MOB1B: variants seen among roughly 807,000 people sequenced by gnomAD.
The protein encoded by MOB1B is MOB kinase activator 1B.
Under a neutral mutation model 24.4 loss-of-function variants are expected in MOB1B, and 19 were observed. The ratio of observed to expected loss-of-function variants is 0.78; its 90% confidence interval spans 0.54 to 1.14. The LOEUF is 1.14. Among genes scored for constraint, MOB1B ranks in the 50% most tolerant of loss-of-function variants. The probability of loss-of-function intolerance (pLI) is 0.00; values close to 1 mark genes in which losing one functional copy is unlikely to be tolerated. For missense variants in MOB1B, 243 were observed against 259.6 expected (o/e 0.94, Z 0.44); for synonymous variants, 76 against 82.1 (o/e 0.93, Z 0.40).
intron 1 of MOB1B, among the ~76,000 whole-genome samples, chr4:70,937,304 T>A (rs1466689835): frequency 6.6e-6 from 1 of 152,132 alleles, no homozygotes; most frequent in East Asian, 1.9e-4. Context: ...GGTCTTATCT[T>A]TGTAACTTTT....
At position 70,987,062 on chromosome 4, in the gene MOB1B, C is replaced by T. The variant is rs1245944425; in HGVS notation, c.*5005C>T. The T allele has an allele frequency of 6.6e-6, 1 of 151,824 alleles. No individual in the cohort carries two copies. The highest frequency in any genetic ancestry group is 2.4e-5 in the African/African-American group (1 of 41,422). 9.4% of individuals were successfully genotyped at this position (151,824 alleles called of 1,614,324 possible). ...AGATAGTAAAATCACTGGCTTTTTC[C>T]AGCTGTATGTTTTTCCACTGTGCGT... On this transcript the variant is annotated 3_prime_UTR_variant, in exon 6 of 6. Coordinates refer to ENST00000309395, the MANE Select transcript of MOB1B (RefSeq NM_173468.4).
chr4:70,924,372 C>G (rs1271345406), intron 1 of MOB1B, among the ~76,000 whole-genome samples: 1 of 152,202 alleles, frequency 6.6e-6, no homozygotes, highest in African/African-American at 2.4e-5. Context: ...AGGTCTGCTG[C>G]AGTGACTTTG....
intron 1 of MOB1B, 95 bp from the exon 2 acceptor site, chr4:70,958,779 A>T: frequency 9.1e-7 from 1 of 1,102,936 alleles, no homozygotes; most frequent in Non-Finnish European, 1.4e-6. Context: ...GCTGGGATTT[A>T]AGCCAATACA....
chr4:70,965,617 G>A (rs1294824310), intron 2 of MOB1B, among the ~76,000 whole-genome samples: 1 of 150,452 alleles, frequency 6.6e-6, no homozygotes, highest in East Asian at 2.0e-4. Flanking sequence ...CTAACACGGC[G>A]GAACCCTGTC....
At chr4:70,957,996 G>T (rs566109273) in intron 1 of MOB1B, among the ~76,000 whole-genome samples, 1 of 151,762 alleles carries the variant, frequency 6.6e-6, no homozygotes, top group African/African-American at 2.4e-5. Flanking sequence ...ATACACATAG[G>T]CTGTGTGTGT....
intron 1 of MOB1B, among the ~76,000 whole-genome samples, chr4:70,952,021 A>T (rs114199547): frequency 0.012 from 1,853 of 152,312 alleles, 24 homozygotes; most frequent in Middle Eastern, 0.027. Context: ...AAAAGGGTAC[A>T]ATTTATTTGG....
intron 1 of MOB1B, among the ~76,000 whole-genome samples, chr4:70,958,162 T>C: frequency 6.6e-6 from 1 of 151,678 alleles, no homozygotes; most frequent in East Asian, 1.9e-4. Flanking sequence ...AGCTTTTCTT[T>C]TCTTTCTTTT....
chr4:70,926,963 C>T (rs1371628577), intron 1 of MOB1B, among the ~76,000 whole-genome samples: 3 of 150,066 alleles, frequency 2.0e-5, no homozygotes, highest in Non-Finnish European at 4.4e-5. Flanking sequence ...TGACACTGCA[C>T]TCCGGCCTGG....
intron 4 of MOB1B, chr4:70,976,614 A>G: frequency 2.0e-6 from 2 of 983,998 alleles, no homozygotes; most frequent in Non-Finnish European, 2.4e-6. Context: ...ACTTTTTGAC[A>G]TTTTACGATT....
intron 2 of MOB1B, among the ~76,000 whole-genome samples, chr4:70,963,550 T>A (rs12645844): frequency 1.3e-5 from 2 of 151,422 alleles, no homozygotes; most frequent in African/African-American, 2.4e-5. Context: ...CCGGGCATGG[T>A]GGCTCATGCC....
chr4:70,943,574 C>G (rs1183542696), intron 1 of MOB1B, among the ~76,000 whole-genome samples: 2 of 152,166 alleles, frequency 1.3e-5, no homozygotes, highest in Non-Finnish European at 2.9e-5. Flanking sequence ...AATCATTGAT[C>G]ATTTACTGCA....
At chr4:70,972,176 T>C (rs1738784454) in intron 3 of MOB1B, among the ~76,000 whole-genome samples, 1 of 152,182 alleles carries the variant, frequency 6.6e-6, no homozygotes, top group Admixed American at 6.5e-5. Context: ...TATTGAATGA[T>C]GGCTCGTAGA....
chr4:70,919,172 C>T (rs1414606423), intron 1 of MOB1B, among the ~76,000 whole-genome samples: 10 of 145,684 alleles, frequency 6.9e-5, no homozygotes, highest in Admixed American at 2.8e-4. Flanking sequence ...GTGGGGGGAG[C>T]GGGGAGGGAT....
At chr4:70,919,434 T>C (rs1300531376) in intron 1 of MOB1B, among the ~76,000 whole-genome samples, 1 of 152,192 alleles carries the variant, frequency 6.6e-6, no homozygotes, top group African/African-American at 2.4e-5. Context: ...AAACCTTTTA[T>C]AACCTTTTAC....
intron 2 of MOB1B, among the ~76,000 whole-genome samples, chr4:70,963,263 G>C (rs1268427919): frequency 6.6e-6 from 1 of 152,102 alleles, no homozygotes; most frequent in Non-Finnish European, 1.5e-5. Context: ...GGGAGGCTGA[G>C]GTGGGAGGAA....
chr4:70,902,599 GCCCCC>G (rs1735556745), intron 1 of MOB1B, 49 bp downstream of exon 1: 2 of 1,497,968 alleles, frequency 1.3e-6, no homozygotes, highest in African/African-American at 3.2e-5. Flanking sequence ...GTGGACCTGG[GCCCCC>G]GCCCGCCGCC....
intron 1 of MOB1B, among the ~76,000 whole-genome samples, chr4:70,903,740 A>C (rs895165406): frequency 1.4e-5 from 2 of 147,664 alleles, no homozygotes; most frequent in African/African-American, 4.9e-5. Flanking sequence ...CACATCTAGA[A>C]TTTTTTTTTT....
At chr4:70,966,593 C>T (rs902249310) in intron 2 of MOB1B, among the ~76,000 whole-genome samples, 8 of 151,744 alleles carry the variant, frequency 5.3e-5, no homozygotes, top group South Asian at 4.2e-4. Flanking sequence ...AGGCTGGTCT[C>T]GAACTCCTGA....
chr4:70,974,257 C>G (rs1209847413), intron 3 of MOB1B, among the ~76,000 whole-genome samples: 1 of 151,856 alleles, frequency 6.6e-6, no homozygotes, highest in African/African-American at 2.4e-5. Flanking sequence ...CTGGTTCAAG[C>G]GATTTCTGGC....
Sources: gnomAD v4.1 joint callset for allele counts (sites outside exome capture counted in the v4.1 genomes callset) on GRCh38, gnomAD v4.1.1 for gene constraint, MANE v1.5 for transcripts, NCBI Gene and HGNC (gene_info 2026-07-23, HGNC 2026-07-21) for gene names.